The following KMO variants were observed in gnomAD, a reference collection of about 807,000 sequenced individuals.
KMO encodes kynurenine 3-monooxygenase, also known as kynurenine 3-hydroxylase.
In KMO, 24 loss-of-function variants were observed where a neutral mutation model predicts 57.8. The ratio of observed to expected loss-of-function variants is 0.42; its 90% CI spans 0.30 to 0.58. The LOEUF (loss-of-function observed/expected upper bound fraction) is 0.58, where lower values mean the gene tolerates loss of function less well. KMO is among the 20% of genes least tolerant of loss of function. The pLI, the probability that KMO is intolerant of heterozygous loss-of-function variation, is 0.22. For synonymous variants in KMO, 210 were observed against 193.6 expected (o/e 1.08, Z -0.70); for missense variants, 483 against 588.2 (o/e 0.82, Z 1.85).
chr1:241,562,944 G>C (rs183768927), intron 7 of KMO, among the ~76,000 whole-genome samples: 2 of 78,292 alleles, frequency 2.6e-5, no homozygotes, highest in African/African-American at 3.7e-5. Flanking sequence ...GGAAGGAGAC[G>C]GGAAGGGAAG....
chr1:241,552,405 T>C (rs557150969), intron 4 of KMO, among the ~76,000 whole-genome samples: 1 of 152,328 alleles, frequency 6.6e-6, no homozygotes, highest in Admixed American at 6.5e-5. Context: ...CTCAGTCAAA[T>C]ATGGCGGCCT....
chr1:241,559,764 A>AT (rs1661769321), intron 5 of KMO, among the ~76,000 whole-genome samples: 1 of 152,194 alleles, frequency 6.6e-6, no homozygotes, highest in Non-Finnish European at 1.5e-5. Flanking sequence ...TTTTTGACAT[A>AT]TAAAAACTGT....
intron 10 of KMO, 70 bp downstream of exon 10, chr1:241,568,717 A>G: frequency 1.4e-6 from 2 of 1,434,518 alleles, no homozygotes; most frequent in Non-Finnish European, 1.9e-6. Flanking sequence ...AGTCTTACGT[A>G]AAAAATATGT....
At chr1:241,587,079 C>T (rs891657046) in intron 11 of KMO, among the ~76,000 whole-genome samples, 2 of 152,070 alleles carry the variant, frequency 1.3e-5, no homozygotes, top group African/African-American at 4.8e-5. Context: ...AGCAACAGTC[C>T]CAACGTTTTG....
intron 8 of KMO, among the ~76,000 whole-genome samples, chr1:241,565,658 A>G (rs1253882066): frequency 6.6e-6 from 1 of 151,730 alleles, no homozygotes; most frequent in African/African-American, 2.4e-5. Flanking sequence ...CCGAAGATGG[A>G]GGCTGCAGTA....
At chr1:241,555,466 CA>C (rs1661577948) in intron 4 of KMO, 145 bp from the exon 5 acceptor site, 1 of 495,018 alleles carries the variant, frequency 2.0e-6, no homozygotes, top group South Asian at 3.5e-5. Context: ...ACAAAAAAAT[CA>C]AAGGTCACTT....
At chr1:241,556,655 G>T (rs931506320) in intron 5 of KMO, among the ~76,000 whole-genome samples, 5 of 152,140 alleles carry the variant, frequency 3.3e-5, no homozygotes, top group Non-Finnish European at 7.4e-5. Flanking sequence ...CGAGGCAGGC[G>T]GATCACAAGG....
At position 241,532,440 on chromosome 1, in the gene KMO, C is replaced by T; in HGVS notation, c.-5C>T. On this transcript the variant is annotated 5_prime_UTR_variant, in exon 1 of 15. Transcript: ENST00000366559. Reference sequence around the variant, plus strand: ...ACAATAATTGTGAAAAATACTTCAGCAGTTATGGACTCATCTGTCATTCAA... The same window carrying T: ...ACAATAATTGTGAAAAATACTTCAGTAGTTATGGACTCATCTGTCATTCAA... 2 of 1,611,544 alleles carry T rather than the reference C, an allele frequency of 1.2e-6. No individual in the cohort carries two copies. Among genetic ancestry groups the T allele is most frequent in the Non-Finnish European group, 1.7e-6 (2 of 1,179,274 alleles).
At position 241,544,218 on chromosome 1, in the gene KMO, C is replaced by T. The variant is rs1404031286; in HGVS notation, c.55-4611C>T. Among the ~76,000 whole-genome samples the T allele has an allele frequency of 3.9e-5, 6 of 152,200 alleles. No homozygotes were observed. In the South Asian group the frequency reaches 1.2e-3, roughly 32 times the overall value. On this transcript the variant is annotated intron_variant, in intron 1 of 14. Coordinates refer to ENST00000366559, the MANE Select transcript of KMO (RefSeq NM_003679.5). ...TTTAGATTGTGGCTTTAGTGTCCTA[C>T]TTGCCTTTCTCCCTACCTGTTTTCT... is the stretch of plus-strand genomic sequence containing the variant.
At chr1:241,575,665 A>C (rs1185892029) in intron 10 of KMO, among the ~76,000 whole-genome samples, 2 of 152,160 alleles carry the variant, frequency 1.3e-5, no homozygotes, top group East Asian at 3.9e-4. Flanking sequence ...TTTAAAATTT[A>C]TTGAGACTTG....
chr1:241,590,058 T>A lies in KMO; in HGVS notation c.1145T>A (p.Met382Lys). ...NSSWFIFQKN[M>K]ERFLHAIMPS... The stretch of plus-strand genomic sequence containing the variant: ...AGCTGGTTCATTTTTCAGAAGAACA[T>A]GGAGAGATTTCTTCATGCGATTATG... Residue 382 changes from methionine (M) to lysine (K), a missense_variant, in exon 13 of 15, where the codon ATG becomes AAG. Met to Lys is a moderately conservative substitution (Grantham distance 95, BLOSUM62 -1). Coordinates refer to ENST00000366559, the MANE Select transcript of KMO (RefSeq NM_003679.5). 6.2e-7 allele frequency: 1 copy of A among 1,614,078 alleles called. No homozygotes were observed. The highest frequency in any genetic ancestry group is 8.5e-7 in the Non-Finnish European group (1 of 1,179,928).
chr1:241,552,338 T>C (rs1661438716), intron 4 of KMO, among the ~76,000 whole-genome samples: 1 of 152,196 alleles, frequency 6.6e-6, no homozygotes, highest in Non-Finnish European at 1.5e-5. Context: ...ACTCAGTTTA[T>C]GCAAAATTTA....
chr1:241,594,778 T>C lies in KMO; in HGVS notation c.*2625T>C. ...ATTCGAGGAAATCAGTTGAGCTGAA[T>C]TTAAGTTGTTTTTTGTTTGTTAGCA... On this transcript the variant is annotated 3_prime_UTR_variant, in exon 15 of 15. Transcript: ENST00000366559. 6.7e-7 allele frequency: 1 copy of C among 1,489,776 alleles called. No homozygotes were observed. Among genetic ancestry groups the C allele is most frequent in the Non-Finnish European group, 9.1e-7 (1 of 1,101,622 alleles). 92.3% of individuals were successfully genotyped at this position (1,489,776 alleles called of 1,614,324 possible). A position where few individuals can be genotyped will look rare whatever the true frequency, so the allele number is the denominator to read the frequency against.
chr1:241,540,620 G>C (rs568219894), intron 1 of KMO, among the ~76,000 whole-genome samples: 2 of 152,174 alleles, frequency 1.3e-5, no homozygotes, highest in Non-Finnish European at 2.9e-5. Flanking sequence ...GATAGTGCAT[G>C]AGAATAGTGC....
At chr1:241,566,904 A>G (rs1662102821) in intron 9 of KMO, among the ~76,000 whole-genome samples, 1 of 152,178 alleles carries the variant, frequency 6.6e-6, no homozygotes, top group African/African-American at 2.4e-5. Context: ...TGCCACAGGA[A>G]CTGGCTGAAC....
At chr1:241,569,881 T>C (rs1662214837) in intron 10 of KMO, among the ~76,000 whole-genome samples, 1 of 152,140 alleles carries the variant, frequency 6.6e-6, no homozygotes, top group African/African-American at 2.4e-5. Context: ...GTATATTTGA[T>C]TTGCATTTCT....
At chr1:241,547,349 A>C (rs1012064416) in intron 1 of KMO, among the ~76,000 whole-genome samples, 2 of 152,186 alleles carry the variant, frequency 1.3e-5, no homozygotes, top group Non-Finnish European at 2.9e-5. Flanking sequence ...AAGAAGCAAG[A>C]CACAGAATGG....
At position 241,588,847 on chromosome 1, in the gene KMO, G is replaced by A; in HGVS notation, c.1098+17G>A. ...TACATAGAGGTGAGTGAGAAGGTTT[G>A]GCTTTATTCCATGAGATGGTTCACT... On this transcript the variant is annotated intron_variant, in intron 12 of 14. Coordinates refer to ENST00000366559, the MANE Select transcript of KMO (RefSeq NM_003679.5). 6.3e-7 allele frequency: 1 copy of A among 1,582,312 alleles called. No individual in the cohort carries two copies. The highest frequency in any genetic ancestry group is 1.3e-5 in the African/African-American group (1 of 74,356).
At chr1:241,554,816 C>CAAA (rs11398893) in intron 4 of KMO, among the ~76,000 whole-genome samples, 1,909 of 118,354 alleles carry the variant, frequency 0.016, 32 homozygotes, top group Middle Eastern at 0.042. Context: ...ACTAAAAATA[C>CAAA]AAAAAAAAAA....
Sources: allele counts gnomAD v4.1 joint callset (sites outside exome capture counted in the v4.1 genomes callset), GRCh38; gene constraint gnomAD v4.1.1; transcripts MANE v1.5; gene names NCBI Gene and HGNC (gene_info 2026-07-23, HGNC 2026-07-21).